Variants in CCN4 observed in about 807,000 individuals in gnomAD.
CCN4 encodes cellular communication network factor 4, also known as CCN family member 4.
A neutral mutation model predicts 36.7 loss-of-function variants in CCN4; 30 were observed. The ratio of observed to expected loss-of-function variants is 0.82; its 90% CI spans 0.61 to 1.11. The LOEUF (loss-of-function observed/expected upper bound fraction) is 1.11, where lower values mean the gene tolerates loss of function less well. Ranked by LOEUF, CCN4 falls within the 50% of genes least tolerant of loss-of-function variation. The pLI is 0.00. For synonymous variants in CCN4, 191 were observed against 195.4 expected, an observed-to-expected ratio of 0.98 and a Z score of 0.19; for missense variants, 505 against 504.9, an observed-to-expected ratio of 1.00 and a Z score of 0.00.
Position 133,230,939 on chromosome 8 carries a change from G to C in CCN4, c.*3229G>C, listed in dbSNP as rs1357380976. The C allele has an allele frequency of 1.3e-5, 2 of 152,160 alleles. No individual in the cohort carries two copies. The highest frequency in any genetic ancestry group is 4.8e-5 in the African/African-American group (2 of 41,432). 9.4% of individuals were successfully genotyped at this position (152,160 alleles called of 1,614,324 possible). ...CGTGTACTCAAGGTCTTACCAGCTA[G>C]TGAACAGCAGACCAAGACTGGAAAC... On this transcript the variant is annotated 3_prime_UTR_variant, in exon 5 of 5. Coordinates refer to ENST00000250160, the MANE Select transcript of CCN4 (RefSeq NM_003882.4).
chr8:133,221,025 T>A (rs1854507939), intron 3 of CCN4, among the ~76,000 whole-genome samples, 184 bp downstream of exon 3: 1 of 152,234 alleles, frequency 6.6e-6, no homozygotes, highest in South Asian at 2.1e-4. Flanking sequence ...AATAATCCCA[T>A]CTGTCTAGTC....
chr8:133,196,400 T>G (rs1853384694), intron 1 of CCN4, among the ~76,000 whole-genome samples: 1 of 152,248 alleles, frequency 6.6e-6, no homozygotes, highest in African/African-American at 2.4e-5. Context: ...CATATTGAGA[T>G]GATAATATTT....
At chr8:133,201,075 G>A (rs1853572647) in intron 1 of CCN4, among the ~76,000 whole-genome samples, 1 of 152,138 alleles carries the variant, frequency 6.6e-6, no homozygotes, top group African/African-American at 2.4e-5. Context: ...CCCTTACTTA[G>A]ACTATGCTAA....
chr8:133,224,927 C>CTCTG (rs1491318798), intron 3 of CCN4, among the ~76,000 whole-genome samples: 2 of 134,242 alleles, frequency 1.5e-5, no homozygotes, highest in African/African-American at 5.7e-5. Context: ...AAGAGTGAAA[C>CTCTG]TCTGTCTCAA....
intron 1 of CCN4, among the ~76,000 whole-genome samples, chr8:133,206,613 T>A (rs1167214164): frequency 6.6e-6 from 1 of 152,150 alleles, no homozygotes. Flanking sequence ...CATGTGTGTG[T>A]GTATGACAGA....
At chr8:133,219,867 T>C (rs1415007360) in intron 2 of CCN4, among the ~76,000 whole-genome samples, 2 of 152,230 alleles carry the variant, frequency 1.3e-5, no homozygotes, top group African/African-American at 4.8e-5. Flanking sequence ...TATTTTTACA[T>C]GGAAAATCAG....
At chr8:133,225,135 G>A (rs919038453) in intron 3 of CCN4, among the ~76,000 whole-genome samples, 1 of 152,194 alleles carries the variant, frequency 6.6e-6, no homozygotes, top group Non-Finnish European at 1.5e-5. Context: ...GGATCCACCT[G>A]TCTCTAAAGA....
At chr8:133,206,995 G>A (rs1109563) in intron 1 of CCN4, among the ~76,000 whole-genome samples, 20,541 of 152,060 alleles carry the variant, frequency 0.14, 1,789 homozygotes, top group East Asian at 0.49. Context: ...GCAGGAAGGC[G>A]GGGGGGAAAC....
At chr8:133,212,029 G>GT (rs1854061651) in intron 1 of CCN4, among the ~76,000 whole-genome samples, 1 of 152,188 alleles carries the variant, frequency 6.6e-6, no homozygotes, top group South Asian at 2.1e-4. Flanking sequence ...TAGGGCCTTG[G>GT]TTTCCCTTCC....
chr8:133,205,489 A>G (rs551452511), intron 1 of CCN4, among the ~76,000 whole-genome samples: 2 of 152,118 alleles, frequency 1.3e-5, no homozygotes, highest in African/African-American at 4.8e-5. Context: ...CAGGCTCCAT[A>G]TGACAGTGTG....
Position 133,227,622 on chromosome 8 carries a change from C to A in CCN4, c.1016C>A (p.Ala339Asp). ...GFSRQVLWINACFCNLSCRNP... is the reference protein window; with the variant it reads ...GFSRQVLWINDCFCNLSCRNP... ...TCCCGCCAGGTCCTATGGATTAATGCCTGCTTCTGTAACCTGAGCTGTAGG... is the reference window on the plus strand; with the variant it reads ...TCCCGCCAGGTCCTATGGATTAATGACTGCTTCTGTAACCTGAGCTGTAGG... Residue 339 changes from alanine to aspartate, a missense_variant, in exon 5 of 5, where the codon GCC (alanine) becomes GAC (aspartate). Physicochemically the swap from Ala to Asp is moderately radical, Grantham distance 126. Transcript: ENST00000250160. 1 of 1,614,258 alleles carries A rather than the reference C, an allele frequency of 6.2e-7. No homozygotes were observed. The highest frequency in any genetic ancestry group is 8.5e-7 in the Non-Finnish European group (1 of 1,180,044).
intron 1 of CCN4, among the ~76,000 whole-genome samples, chr8:133,199,168 G>A (rs914032623): frequency 6.6e-6 from 1 of 152,248 alleles, no homozygotes; most frequent in African/African-American, 2.4e-5. Context: ...GCAGCTTACG[G>A]GCTTGGTTCT....
chr8:133,202,735 G>C (rs1479942398), intron 1 of CCN4, among the ~76,000 whole-genome samples: 2 of 152,208 alleles, frequency 1.3e-5, no homozygotes, highest in Non-Finnish European at 1.5e-5. Context: ...TTGGAGCTAA[G>C]AGCTTTCAAA....
intron 1 of CCN4, among the ~76,000 whole-genome samples, chr8:133,195,319 G>A (rs1021334167): frequency 6.6e-6 from 1 of 150,752 alleles, no homozygotes; most frequent in Non-Finnish European, 1.5e-5. Context: ...TTGCGTGTGT[G>A]GTGTGTGTGT....
At chr8:133,196,117 C>A (rs1213968037) in intron 1 of CCN4, among the ~76,000 whole-genome samples, 3 of 152,204 alleles carry the variant, frequency 2.0e-5, no homozygotes, top group African/African-American at 7.2e-5. Flanking sequence ...GCCCTGCATC[C>A]CTGTGATGTG....
At chr8:133,222,675 C>G (rs1345777094) in intron 3 of CCN4, among the ~76,000 whole-genome samples, 1 of 151,446 alleles carries the variant, frequency 6.6e-6, no homozygotes, top group Non-Finnish European at 1.5e-5. Flanking sequence ...ATGAAGAAAA[C>G]CAGGAGCATC....
At chr8:133,215,743 T>C (rs1220480334) in intron 2 of CCN4, among the ~76,000 whole-genome samples, 3 of 152,078 alleles carry the variant, frequency 2.0e-5, no homozygotes, top group African/African-American at 7.2e-5. Flanking sequence ...AAACAAAAAC[T>C]GTAGGCTAAA....
In CCN4 at chr8:133,225,398, G is replaced by C. The variant is rs1252781903; in HGVS notation, c.619G>C (p.Gly207Arg). Residue 207 changes from glycine to arginine, a missense_variant, in exon 4 of 5, where the codon GGT becomes CGT. Transcript: ENST00000250160. Reference sequence around the variant, plus strand: ...CTGTTCCCCACACACAGATGCTGTGGGTGAGGTGGAGGCATGGCACAGGAA... The same window carrying C: ...CTGTTCCCCACACACAGATGCTGTGCGTGAGGTGGAGGCATGGCACAGGAA... ...PRDTGAFDAV[G>R]EVEAWHRNCI... 1.6e-5 allele frequency: 26 copies of C among 1,600,414 alleles called. No homozygotes were observed. Among genetic ancestry groups the C allele is most frequent in the Non-Finnish European group, 2.2e-5 (26 of 1,170,820 alleles).
intron 1 of CCN4, among the ~76,000 whole-genome samples, chr8:133,210,974 C>T (rs1323479341): frequency 6.6e-6 from 1 of 152,160 alleles, no homozygotes; most frequent in African/African-American, 2.4e-5. Flanking sequence ...TGAAATCAAG[C>T]CTATGGGAGA....
Sources: allele counts gnomAD v4.1 joint callset (sites outside exome capture counted in the v4.1 genomes callset), GRCh38; gene constraint gnomAD v4.1.1; transcripts MANE v1.5; gene names NCBI Gene and HGNC (gene_info 2026-07-23, HGNC 2026-07-21).